The following EXOC6B variants were observed in gnomAD, a reference collection of about 807,000 sequenced individuals.
EXOC6B encodes the protein exocyst complex component 6B, also known as SEC15 homolog B.
Under a neutral mutation model 113.5 loss-of-function variants are expected in EXOC6B, and 54 were observed. The observed-to-expected ratio is 0.48, with a 90% confidence interval of 0.38 to 0.60. The LOEUF (loss-of-function observed/expected upper bound fraction) is 0.60, where lower values mean the gene tolerates loss of function less well. Among genes scored for constraint, EXOC6B ranks in the 20% least tolerant of loss-of-function variants. EXOC6B has a pLI of 0.00. For synonymous variants in EXOC6B, 357 were observed against 339.0 expected, an observed-to-expected ratio of 1.05 and a Z score of -0.58; for missense variants, 797 against 977.5, an observed-to-expected ratio of 0.82 and a Z score of 2.46.
intron 8 of EXOC6B, among the ~76,000 whole-genome samples, chr2:72,525,728 T>TA (rs1354230050): frequency 2.0e-5 from 3 of 152,050 alleles, no homozygotes; most frequent in African/African-American, 7.2e-5. Flanking sequence ...TTTTACTATT[T>TA]AAAAAAATCA....
intron 20 of EXOC6B, among the ~76,000 whole-genome samples, chr2:72,326,518 T>A (rs1043253893): frequency 2.0e-5 from 3 of 152,052 alleles, no homozygotes; most frequent in Non-Finnish European, 4.4e-5. Context: ...CTTACTATGT[T>A]ATGCTTGTTA....
At chr2:72,694,361 GACCCT>G (rs1677716173) in intron 6 of EXOC6B, among the ~76,000 whole-genome samples, 1 of 152,150 alleles carries the variant, frequency 6.6e-6, no homozygotes, top group Admixed American at 6.5e-5. Context: ...AGAATCGCTT[GACCCT>G]GGGAGGCGGA....
At chr2:72,397,661 T>TAAAATAAAATAAAAAA (rs1558625759) in intron 18 of EXOC6B, among the ~76,000 whole-genome samples, 1 of 102,080 alleles carries the variant, frequency 9.8e-6, no homozygotes, top group African/African-American at 8.6e-5. Flanking sequence ...AAAATAAAAT[T>TAAAATAAAATAAAAAA]ATATATATAT....
intron 6 of EXOC6B, among the ~76,000 whole-genome samples, chr2:72,642,653 T>C (rs1222889416): frequency 1.4e-5 from 2 of 147,628 alleles, no homozygotes; most frequent in South Asian, 2.1e-4. Flanking sequence ...CCTAAAACCA[T>C]AAAAACCCTA....
chr2:72,770,172 T>C (rs985617256), intron 1 of EXOC6B, among the ~76,000 whole-genome samples: 5 of 152,262 alleles, frequency 3.3e-5, no homozygotes, highest in Admixed American at 6.5e-5. Flanking sequence ...ACTGAATATA[T>C]TTAACTGCAA....
intron 8 of EXOC6B, among the ~76,000 whole-genome samples, chr2:72,548,620 T>C (rs1373546955): frequency 1.3e-5 from 2 of 152,152 alleles, no homozygotes; most frequent in African/African-American, 4.8e-5. Context: ...ACTGAATTCA[T>C]CTGCAGGTCA....
chr2:72,759,479 A>T lies in EXOC6B; in HGVS notation c.114-18010T>A, dbSNP rs144650364. Among the ~76,000 whole-genome samples, 419 of 152,294 alleles carry T rather than the reference A, an allele frequency of 2.8e-3. 1 individual carries two copies. Among genetic ancestry groups the T allele is most frequent in the African/African-American group, 9.7e-3 (404 of 41,576 alleles). ...GGCATGTAGTTGATACTCTGAATCT[A>T]CAATTTACTACTATTAACTATGGTT... On this transcript the variant is annotated intron_variant, in intron 1 of 21. Transcript: ENST00000272427.
intron 12 of EXOC6B, among the ~76,000 whole-genome samples, chr2:72,498,806 A>G (rs994952529): frequency 6.6e-6 from 1 of 152,100 alleles, no homozygotes; most frequent in Non-Finnish European, 1.5e-5. Flanking sequence ...CTATATATAA[A>G]GGGTATACTA....
chr2:72,304,013 A>G (rs931951983), intron 20 of EXOC6B, among the ~76,000 whole-genome samples: 5 of 152,164 alleles, frequency 3.3e-5, no homozygotes, highest in Admixed American at 3.3e-4. Flanking sequence ...TGATCCTGCC[A>G]ACTCTGCAGA....
chr2:72,714,335 G>A (rs952497835), intron 6 of EXOC6B, among the ~76,000 whole-genome samples: 12 of 152,178 alleles, frequency 7.9e-5, no homozygotes, highest in African/African-American at 2.9e-4. Context: ...CTATAATACT[G>A]TGGCAAAACA....
At chr2:72,335,069 A>T in intron 19 of EXOC6B, 49 bp from the exon 20 acceptor site, 1 of 1,537,426 alleles carries the variant, frequency 6.5e-7, no homozygotes, top group Non-Finnish European at 9.0e-7. Flanking sequence ...AACCATGGAC[A>T]GGGAGATTGG....
intron 6 of EXOC6B, among the ~76,000 whole-genome samples, chr2:72,656,857 T>C (rs1674614448): frequency 6.6e-6 from 1 of 152,178 alleles, no homozygotes; most frequent in Non-Finnish European, 1.5e-5. Flanking sequence ...TATTTTATTT[T>C]ATTTTATTTT....
chr2:72,750,929 T>TA (rs1221590891), intron 1 of EXOC6B, among the ~76,000 whole-genome samples: 2 of 151,878 alleles, frequency 1.3e-5, no homozygotes, highest in Non-Finnish European at 2.9e-5. Context: ...AAACAAAGTA[T>TA]AAAAACAAGA....
intron 11 of EXOC6B, among the ~76,000 whole-genome samples, chr2:72,507,425 AAG>A (rs2105631383): frequency 6.6e-6 from 1 of 152,226 alleles, no homozygotes; most frequent in East Asian, 1.9e-4. Context: ...CACCCATTTA[AAG>A]TACATAATTG....
At chr2:72,234,316 C>T (rs1681823470) in intron 20 of EXOC6B, among the ~76,000 whole-genome samples, 1 of 152,068 alleles carries the variant, frequency 6.6e-6, no homozygotes, top group African/African-American at 2.4e-5. Flanking sequence ...AACTCCTGAC[C>T]TCGTGATCCA....
intron 6 of EXOC6B, among the ~76,000 whole-genome samples, chr2:72,671,789 AAGAAAGAAAGAAAG>A (rs1425371002): frequency 8.1e-4 from 94 of 116,490 alleles, no homozygotes; most frequent in African/African-American, 4.0e-3. Flanking sequence ...GAAAGAAAGA[AAGAAAGAAAGAAAG>A]AAAGAAAGAA....
chr2:72,196,766 T>C (rs1212584698), intron 20 of EXOC6B, among the ~76,000 whole-genome samples: 1 of 152,200 alleles, frequency 6.6e-6, no homozygotes, highest in Non-Finnish European at 1.5e-5. Context: ...CCTTTGTCAT[T>C]AAGTTCATTT....
At chr2:72,587,758 A>T (rs1705682130) in intron 6 of EXOC6B, among the ~76,000 whole-genome samples, 1 of 152,126 alleles carries the variant, frequency 6.6e-6, no homozygotes, top group Non-Finnish European at 1.5e-5. Flanking sequence ...GGGAGAAAAT[A>T]TTCACTAATC....
chr2:72,718,115 A>T lies in EXOC6B; in HGVS notation c.657T>A (p.Thr219=), dbSNP rs1019444085. 6.2e-7 allele frequency: 1 copy of T among 1,609,514 alleles called. No individual in the cohort carries two copies. The highest frequency in any genetic ancestry group is 8.5e-7 in the Non-Finnish European group (1 of 1,177,594). ...IRKHSDKIGE[T]AMKQAQQQRN... ...ACCCAAGACCTACTTGCTTCATGGC[A>T]GTCTCTCCAATTTTGTCTGAATGTT... is the stretch of plus-strand genomic sequence containing the variant. The change falls in exon 6 of 22, where the codon ACT becomes ACA. Residue 219 remains threonine (T), a synonymous_variant. Coordinates refer to ENST00000272427, the MANE Select transcript of EXOC6B (RefSeq NM_015189.3).
Sources: allele counts gnomAD v4.1 joint callset (sites outside exome capture counted in the v4.1 genomes callset), GRCh38; gene constraint gnomAD v4.1.1; transcripts MANE v1.5; gene names NCBI Gene and HGNC (gene_info 2026-07-23, HGNC 2026-07-21).